The following VPS37A variants were observed in gnomAD, a reference collection of about 807,000 sequenced individuals.
The protein encoded by VPS37A is vacuolar protein sorting-associated protein 37A.
Under a neutral mutation model 49.8 loss-of-function variants are expected in VPS37A, and 30 were observed. The observed-to-expected ratio is 0.60, with a 90% confidence interval of 0.45 to 0.82. The LOEUF (loss-of-function observed/expected upper bound fraction) is 0.82. Ranked by LOEUF, VPS37A falls within the 40% of genes least tolerant of loss-of-function variation. The pLI is 0.00. For synonymous variants in VPS37A, 195 were observed against 160.6 expected (o/e 1.21, Z -1.62); for missense variants, 593 against 464.4 (o/e 1.28, Z -2.55).
intron 6 of VPS37A, among the ~76,000 whole-genome samples, chr8:17,277,309 A>G (rs903153763): frequency 1.3e-5 from 2 of 152,206 alleles, no homozygotes; most frequent in African/African-American, 4.8e-5. Flanking sequence ...GTTAATATGC[A>G]TTGTAATGCT....
At chr8:17,316,152 T>C in the VPS37A span, among the ~76,000 whole-genome samples, 1 of 152,240 alleles carries the variant, frequency 6.6e-6, no homozygotes, top group Non-Finnish European at 1.5e-5. Flanking sequence ...GGCAGATTAC[T>C]TAGCCTCTCT....
rs1814551103 is a variant in VPS37A at position 17,276,726 on chromosome 8, C to A, written c.713+259C>A. ...ACCAAGATAACAAAATCCTTTCTGT[C>A]ATGTGGCCTGCATTCTTTGAAAAAT... is the stretch of plus-strand genomic sequence containing the variant. On this transcript the variant is annotated intron_variant, in intron 6 of 11. Transcript: ENST00000324849. Among the ~76,000 whole-genome samples the A allele has an allele frequency of 1.3e-5, 2 of 152,040 alleles. 1 individual carries two copies. The highest frequency in any genetic ancestry group is 4.1e-4 in the South Asian group (2 of 4,832).
chr8:17,266,809 T>C (rs1813504821), intron 2 of VPS37A, among the ~76,000 whole-genome samples: 1 of 152,206 alleles, frequency 6.6e-6, no homozygotes, highest in Admixed American at 6.5e-5. Flanking sequence ...AGCCTCCCTC[T>C]GTCGCCCAGA....
chr8:17,253,182 C>G (rs1470089656), intron 1 of VPS37A, among the ~76,000 whole-genome samples: 3 of 152,178 alleles, frequency 2.0e-5, no homozygotes, highest in Non-Finnish European at 4.4e-5. Flanking sequence ...ACATCTGCCC[C>G]TCCCCCCAAC....
intron 4 of VPS37A, among the ~76,000 whole-genome samples, chr8:17,274,094 G>A (rs1586008149): frequency 6.6e-6 from 1 of 152,056 alleles, no homozygotes; most frequent in African/African-American, 2.4e-5. Flanking sequence ...ATTTGCTAAG[G>A]GGAAAAAATG....
Position 17,256,333 on chromosome 8 carries a change from A to G in VPS37A, c.125+8964A>G, listed in dbSNP as rs146746839. 8.6e-4 allele frequency among the ~76,000 whole-genome samples: 74 copies of G among 86,246 alleles called. No homozygotes were observed. In the East Asian group the frequency reaches 0.025, roughly 29 times the overall value. 56.6% of individuals were successfully genotyped at this position (86,246 alleles called of 152,430 possible). A position where few individuals can be genotyped will look rare whatever the true frequency, so the allele number is the denominator to read the frequency against. ...TTTTTTTTTTTGGAGATAGGGTCCCACTGTTTGTTGCCCAGACTAATCTGG... is the reference window on the plus strand; with the variant it reads ...TTTTTTTTTTTGGAGATAGGGTCCCGCTGTTTGTTGCCCAGACTAATCTGG... On this transcript the variant is annotated intron_variant, in intron 1 of 11. Coordinates refer to ENST00000324849, the MANE Select transcript of VPS37A (RefSeq NM_152415.3).
chr8:17,255,840 C>A (rs11779174), intron 1 of VPS37A, among the ~76,000 whole-genome samples: 29,170 of 151,996 alleles, frequency 0.19, 3,410 homozygotes, highest in Admixed American at 0.3. Context: ...ACTTCCAGTT[C>A]CACTCATGTT....
chr8:17,332,329 T>G, the VPS37A span, among the ~76,000 whole-genome samples: 5 of 152,172 alleles, frequency 3.3e-5, no homozygotes, highest in African/African-American at 1.2e-4. Flanking sequence ...ACAGATCTCC[T>G]AAAAGTCTGA....
chr8:17,259,811 T>A (rs1812808769), intron 1 of VPS37A, among the ~76,000 whole-genome samples: 1 of 152,138 alleles, frequency 6.6e-6, no homozygotes, highest in African/African-American at 2.4e-5. Flanking sequence ...GACCCCTTTA[T>A]CATTTTATAT....
At chr8:17,315,059 G>T in the VPS37A span, among the ~76,000 whole-genome samples, 5 of 152,202 alleles carry the variant, frequency 3.3e-5, no homozygotes, top group Non-Finnish European at 7.3e-5. Context: ...GCCGTGGGCT[G>T]AGAGTTCCCA....
intron 2 of VPS37A, among the ~76,000 whole-genome samples, chr8:17,266,694 G>A (rs557051179): frequency 6.6e-6 from 1 of 152,260 alleles, no homozygotes; most frequent in South Asian, 2.1e-4. Context: ...CCTGTACATA[G>A]GAGACCTTAT....
chr8:17,247,556 C>T, intron 1 of VPS37A, 187 bp downstream of exon 1: 1 of 817,710 alleles, frequency 1.2e-6, no homozygotes, highest in South Asian at 1.5e-5. Context: ...CGGACCCTCC[C>T]TGCCTCCTGC....
At chr8:17,331,847 C>T in the VPS37A span, among the ~76,000 whole-genome samples, 1 of 152,174 alleles carries the variant, frequency 6.6e-6, no homozygotes, top group Non-Finnish European at 1.5e-5. Flanking sequence ...AACCAAGTCT[C>T]CAGAGACATT....
At position 17,280,078 on chromosome 8, in the gene VPS37A, A is replaced by G. The variant is rs755909208; in HGVS notation, c.764A>G (p.Gln255Arg). Residue 255 changes from glutamine to arginine, a missense_variant, in exon 7 of 12, where the codon CAG becomes CGG. Physicochemically the swap from Gln to Arg is conservative, Grantham distance 43 (BLOSUM62 1). Transcript: ENST00000324849. ...MNEQEEVLLE[Q>R]FLTLPQLKQI... ...GAACAAGAGGAGGTATTACTAGAAC[A>G]GTTTCTGACTTTGCCTCAACTAAAA... 1.2e-6 allele frequency: 2 copies of G among 1,612,588 alleles called. No individual in the cohort carries two copies. Among genetic ancestry groups the G allele is most frequent in the South Asian group, 1.1e-5 (1 of 90,902 alleles).
At chr8:17,248,057 G>A (rs1250260841) in intron 1 of VPS37A, 21 of 434,918 alleles carry the variant, frequency 4.8e-5, no homozygotes, top group Non-Finnish European at 7.1e-5. Context: ...GGTCAGTTTA[G>A]AAATATTTTT....
chr8:17,280,846 A>T (rs1188555855), intron 9 of VPS37A, among the ~76,000 whole-genome samples: 2 of 152,008 alleles, frequency 1.3e-5, no homozygotes, highest in African/African-American at 2.4e-5. Context: ...ATTATCTGCT[A>T]CAAATAAGTT....
At chr8:17,304,241 C>T, downstream of VPS37A, 1 of 885,626 alleles carries the variant, frequency 1.1e-6, no homozygotes. Flanking sequence ...ATCAGATATT[C>T]AAGCATCTCC....
Position 17,280,074 on chromosome 8 carries a change from G to C in VPS37A, c.760G>C (p.Glu254Gln). ...DMNEQEEVLLEQFLTLPQLKQ... is the reference protein window; with the variant it reads ...DMNEQEEVLLQQFLTLPQLKQ... Reference sequence around the variant, plus strand: ...GAATGAACAAGAGGAGGTATTACTAGAACAGTTTCTGACTTTGCCTCAACT... The same window carrying C: ...GAATGAACAAGAGGAGGTATTACTACAACAGTTTCTGACTTTGCCTCAACT... Residue 254 changes from glutamate (E) to glutamine (Q), a missense_variant, in exon 7 of 12, where the codon GAA becomes CAA. Transcript: ENST00000324849. The C allele has an allele frequency of 6.2e-7, 1 of 1,612,478 alleles. No individual in the cohort carries two copies. Among genetic ancestry groups the C allele is most frequent in the Non-Finnish European group, 8.5e-7 (1 of 1,179,222 alleles).
chr8:17,310,069 T>C, the VPS37A span, among the ~76,000 whole-genome samples: 1 of 152,164 alleles, frequency 6.6e-6, no homozygotes, highest in African/African-American at 2.4e-5. Context: ...GATGAGATCA[T>C]GGCTCACTAC....
Sources: allele counts gnomAD v4.1 joint callset (sites outside exome capture counted in the v4.1 genomes callset), GRCh38; gene constraint gnomAD v4.1.1; transcripts MANE v1.5; gene names NCBI Gene and HGNC (gene_info 2026-07-23, HGNC 2026-07-21).